NOX4: variants seen among roughly 807,000 people sequenced by gnomAD.
NOX4 encodes kidney oxidase-1.
NOX4 carries 69 observed loss-of-function variants against 87.6 expected under a neutral mutation model. The ratio of observed to expected loss-of-function variants is 0.79; its 90% confidence interval spans 0.65 to 0.96. The LOEUF is 0.96. NOX4 is among the 40% of genes least tolerant of loss of function. NOX4 has a pLI of 0.00. For synonymous variants in NOX4, 275 were observed against 238.2 expected (o/e 1.15, Z -1.42); for missense variants, 680 against 681.5 (o/e 1.00, Z 0.02).
intron 11 of NOX4, among the ~76,000 whole-genome samples, chr11:89,378,115 C>T (rs1939988395): frequency 6.6e-6 from 1 of 152,128 alleles, no homozygotes; most frequent in South Asian, 2.1e-4. Context: ...TATGGATTAA[C>T]CTTTTGTGTC....
chr11:89,377,727 T>C (rs1939961952), intron 11 of NOX4, among the ~76,000 whole-genome samples: 1 of 152,156 alleles, frequency 6.6e-6, no homozygotes, highest in African/African-American at 2.4e-5. Flanking sequence ...TCAAAAATGA[T>C]TCCAAAATAG....
chr11:89,467,188 A>G (rs1391331591), intron 2 of NOX4, among the ~76,000 whole-genome samples: 1 of 151,678 alleles, frequency 6.6e-6, no homozygotes, highest in East Asian at 2.0e-4. Flanking sequence ...CTCTACTAAA[A>G]AAATACAAAA....
chr11:89,404,256 G>A (rs193254456), intron 8 of NOX4, among the ~76,000 whole-genome samples: 100 of 151,820 alleles, frequency 6.6e-4, no homozygotes, highest in African/African-American at 2.3e-3. Context: ...TGCTCCTATT[G>A]GCCATCGGAA....
At chr11:89,519,708 G>A in the NOX4 span, among the ~76,000 whole-genome samples, 11 of 152,022 alleles carry the variant, frequency 7.2e-5, no homozygotes, top group Admixed American at 3.3e-4. Flanking sequence ...AGTGAAGAAC[G>A]GAACTATCTT....
chr11:89,360,082 G>A (rs1355036826), intron 12 of NOX4, among the ~76,000 whole-genome samples: 1 of 151,886 alleles, frequency 6.6e-6, no homozygotes, highest in Non-Finnish European at 1.5e-5. Flanking sequence ...AGTATTAGAA[G>A]TTATATTGCA....
chr11:89,514,242 G>T, the NOX4 span, among the ~76,000 whole-genome samples: 1 of 151,826 alleles, frequency 6.6e-6, no homozygotes, highest in Non-Finnish European at 1.5e-5. Flanking sequence ...TATTTCTAAA[G>T]TAGTTTTTTC....
intron 7 of NOX4, among the ~76,000 whole-genome samples, chr11:89,422,474 C>T (rs183501707): frequency 9.2e-5 from 14 of 152,208 alleles, no homozygotes; most frequent in African/African-American, 2.9e-4. Flanking sequence ...AAGAATGATA[C>T]CTCAATGTTA....
At chr11:89,559,796 A>C in the NOX4 span, among the ~76,000 whole-genome samples, 1 of 152,160 alleles carries the variant, frequency 6.6e-6, no homozygotes, top group South Asian at 2.1e-4. Flanking sequence ...GCTCCAGTAC[A>C]ACACCAGAAC....
In NOX4 at chr11:89,438,846, T is replaced by TAA. The variant is rs373716565; in HGVS notation, c.475+1841_475+1842insTT. On this transcript the variant is annotated intron_variant, in intron 6 of 17. Transcript: ENST00000263317. ...TATAATATCTTATATATTATATATA[T>TAA]TATATAATATATTATATATTATATA... Among the ~76,000 whole-genome samples the TAA allele has an allele frequency of 2.2e-3, 57 of 25,388 alleles. 3 individuals are homozygous for TAA. Among genetic ancestry groups the TAA allele is most frequent in the Admixed American group, 0.011 (12 of 1,104 alleles). 16.7% of individuals were successfully genotyped at this position (25,388 alleles called of 152,430 possible).
chr11:89,575,122 G>T, the NOX4 span, among the ~76,000 whole-genome samples: 1 of 152,052 alleles, frequency 6.6e-6, no homozygotes, highest in Non-Finnish European at 1.5e-5. Flanking sequence ...GTCAGAGGTT[G>T]CAGTGAGCCA....
intron 13 of NOX4, among the ~76,000 whole-genome samples, chr11:89,353,811 A>G (rs1937764651): frequency 6.6e-6 from 1 of 152,186 alleles, no homozygotes; most frequent in African/African-American, 2.4e-5. Flanking sequence ...AAATACAAAT[A>G]GGCGTGCACC....
chr11:89,478,216 TATAAGCGATATATTAGGTTAAACTAAA>T (rs1946248501), intron 2 of NOX4, among the ~76,000 whole-genome samples: 2 of 152,174 alleles, frequency 1.3e-5, no homozygotes, highest in Admixed American at 1.3e-4. Context: ...AAAAAAATCT[TATAAGCGATATATTAGGTTAAACTAAA>T]CACAGGTTAA....
chr11:89,357,405 A>G (rs1050856304), intron 12 of NOX4, among the ~76,000 whole-genome samples: 2 of 152,118 alleles, frequency 1.3e-5, no homozygotes, highest in African/African-American at 4.8e-5. Context: ...TTGGGCTGAT[A>G]TTACTCTGTT....
intron 13 of NOX4, among the ~76,000 whole-genome samples, chr11:89,345,497 G>A (rs1221096417): frequency 6.6e-6 from 1 of 152,086 alleles, no homozygotes; most frequent in Non-Finnish European, 1.5e-5. Context: ...CCAGACACAT[G>A]ACCATGAGCT....
Position 89,481,649 on chromosome 11 carries a change from G to C in NOX4, c.153+8809C>G, listed in dbSNP as rs868591525. 7.2e-5 allele frequency among the ~76,000 whole-genome samples: 11 copies of C among 152,048 alleles called. 1 individual carries two copies. Among genetic ancestry groups the C allele is most frequent in the Non-Finnish European group, 4.4e-5 (3 of 67,986 alleles). On this transcript the variant is annotated intron_variant, in intron 2 of 17. Transcript: ENST00000263317. ...AATTACTTAGGCAATTTTAAAATCA[G>C]TTTTATGATAAACACAATGCTTAGC... is the stretch of plus-strand genomic sequence containing the variant.
chr11:89,488,031 C>A (rs1029888399), intron 2 of NOX4, among the ~76,000 whole-genome samples: 1 of 151,960 alleles, frequency 6.6e-6, no homozygotes, highest in Non-Finnish European at 1.5e-5. Flanking sequence ...CTGGAAAATT[C>A]ATAACAGATA....
At chr11:89,463,919 C>G (rs1427058180) in intron 2 of NOX4, among the ~76,000 whole-genome samples, 1 of 151,940 alleles carries the variant, frequency 6.6e-6, no homozygotes. Context: ...GAATAATTAT[C>G]TCTTTTGATC....
intron 13 of NOX4, among the ~76,000 whole-genome samples, chr11:89,350,366 A>G (rs1590989694): frequency 6.6e-6 from 1 of 152,322 alleles, no homozygotes; most frequent in East Asian, 1.9e-4. Context: ...TATAAAGGAC[A>G]TACATTTCCA....
chr11:89,500,130 A>C (rs1035651532), upstream of NOX4, among the ~76,000 whole-genome samples: 4 of 152,164 alleles, frequency 2.6e-5, no homozygotes, highest in African/African-American at 9.7e-5. Context: ...TTATTGTGTA[A>C]GATCAAATGT....
Sources: allele counts gnomAD v4.1 joint callset (sites outside exome capture counted in the v4.1 genomes callset), GRCh38; gene constraint gnomAD v4.1.1; transcripts MANE v1.5; gene names NCBI Gene and HGNC (gene_info 2026-07-23, HGNC 2026-07-21).